Variants in LPP observed in about 807,000 individuals in gnomAD.
The protein encoded by LPP is LIM domain containing preferred translocation partner in lipoma.
Under a neutral mutation model 60.4 loss-of-function variants are expected in LPP, and 38 were observed. The ratio of observed to expected loss-of-function variants is 0.63; its 90% confidence interval spans 0.49 to 0.83. LPP has a LOEUF of 0.83. Ranked by LOEUF, LPP falls within the 40% of genes least tolerant of loss-of-function variation. The pLI is 0.00. For synonymous variants in LPP, 328 were observed against 290.8 expected (o/e 1.13, Z -1.30); for missense variants, 902 against 783.6 (o/e 1.15, Z -1.80).
At chr3:188,858,785 T>C (rs1325986847) in intron 9 of LPP, among the ~76,000 whole-genome samples, 1 of 152,112 alleles carries the variant, frequency 6.6e-6, no homozygotes, top group Non-Finnish European at 1.5e-5. Context: ...GTTTTGTCTG[T>C]GCTAGTTAAA....
intron 9 of LPP, among the ~76,000 whole-genome samples, chr3:188,764,323 A>G (rs558149312): frequency 9.2e-5 from 14 of 152,310 alleles, no homozygotes; most frequent in African/African-American, 3.4e-4. Flanking sequence ...GTCTTCACAG[A>G]TAAGGAATAA....
At chr3:188,602,069 A>AATATATAT (rs10534152) in intron 6 of LPP, among the ~76,000 whole-genome samples, 96 of 128,822 alleles carry the variant, frequency 7.5e-4, no homozygotes, top group South Asian at 3.2e-3. Flanking sequence ...CTCTATCTCA[A>AATATATAT]ATATATATAT....
intron 6 of LPP, among the ~76,000 whole-genome samples, chr3:188,543,584 C>G (rs141925894): frequency 3.9e-4 from 60 of 152,254 alleles, no homozygotes; most frequent in African/African-American, 1.3e-3. Context: ...TAGTTTATAT[C>G]TGGTTGTTGG....
chr3:188,277,812 T>G (rs2149872842), intron 2 of LPP, among the ~76,000 whole-genome samples: 1 of 152,330 alleles, frequency 6.6e-6, no homozygotes, highest in Non-Finnish European at 1.5e-5. Context: ...GACCACACGG[T>G]TGATCATGCT....
chr3:188,200,639 G>T (rs1730830713), intron 1 of LPP, among the ~76,000 whole-genome samples: 1 of 152,140 alleles, frequency 6.6e-6, no homozygotes, highest in Non-Finnish European at 1.5e-5. Context: ...GTAGCAGGAA[G>T]ATTCAGCTTC....
rs1388317207 is a variant in LPP at position 188,804,277 on chromosome 3, A to ATATATATATATATG, written c.1410+44001_1410+44002insTATATATGTATATA. 6.1e-4 allele frequency among the ~76,000 whole-genome samples: 77 copies of ATATATATATATATG among 126,132 alleles called. 2 individuals carry two copies. Among genetic ancestry groups the ATATATATATATATG allele is most frequent in the Admixed American group, 4.7e-3 (54 of 11,434 alleles). The allele number at this position is 126,132 out of a possible 152,430, so 82.7% of individuals were successfully genotyped here. On this transcript the variant is annotated intron_variant, in intron 9 of 11. Transcript: ENST00000617246. The stretch of plus-strand genomic sequence containing the variant: ...TATATATATATATATATATATATAT[A>ATATATATATATATG]TATATAAAATGGAATACAATTCAGC...
chr3:188,506,873 C>A (rs1448491313), intron 5 of LPP, among the ~76,000 whole-genome samples: 1 of 152,138 alleles, frequency 6.6e-6, no homozygotes, highest in Non-Finnish European at 1.5e-5. Context: ...TCTCGGCTCA[C>A]TGCAAGCTCC....
intron 2 of LPP, among the ~76,000 whole-genome samples, chr3:188,314,777 G>A (rs1032574299): frequency 1.3e-5 from 2 of 152,044 alleles, no homozygotes; most frequent in Non-Finnish European, 2.9e-5. Context: ...GTGAGATTGC[G>A]CCCCTGACTC....
At position 188,885,873 on chromosome 3, in the gene LPP, A is replaced by G. The variant is rs903773150; in HGVS notation, c.*11394A>G. ...GTATCTCATAGTGGTTTTGATTTGC[A>G]TTTCTCTGATGGCCAGTGATGGTGA... On this transcript the variant is annotated 3_prime_UTR_variant, in exon 12 of 12. Coordinates refer to ENST00000617246, the MANE Select transcript of LPP (RefSeq NM_001375462.1). The G allele has an allele frequency of 6.6e-6, 1 of 152,086 alleles. No individual in the cohort carries two copies. Among genetic ancestry groups the G allele is most frequent in the Non-Finnish European group, 1.5e-5 (1 of 68,022 alleles). The allele number at this position is 152,086 out of a possible 1,614,324, so 9.4% of individuals were successfully genotyped here. A position where few individuals can be genotyped will look rare whatever the true frequency, so the allele number is the denominator to read the frequency against.
In LPP at chr3:188,300,622, A is replaced by G. The variant is rs144462590; in HGVS notation, c.-66-41041A>G. Among the ~76,000 whole-genome samples the G allele has an allele frequency of 2.4e-3, 369 of 152,340 alleles. 1 individual carries two copies. The highest frequency in any genetic ancestry group is 8.4e-3 in the African/African-American group (348 of 41,578). Reference sequence around the variant, plus strand: ...TTAATTTGTAGAAAATTCTGACTACAGCAAAACATATTAGCCCAAGTTCTC... The same window carrying G: ...TTAATTTGTAGAAAATTCTGACTACGGCAAAACATATTAGCCCAAGTTCTC... On this transcript the variant is annotated intron_variant, in intron 2 of 11. Transcript: ENST00000617246.
At chr3:188,544,674 A>G (rs1345862070) in intron 6 of LPP, among the ~76,000 whole-genome samples, 7 of 103,618 alleles carry the variant, frequency 6.8e-5, no homozygotes, top group African/African-American at 2.7e-4. Context: ...AACTAGTTCA[A>G]CCATTGTGGA....
At chr3:188,649,118 A>G (rs1166257453) in intron 7 of LPP, among the ~76,000 whole-genome samples, 1 of 152,208 alleles carries the variant, frequency 6.6e-6, no homozygotes, top group East Asian at 1.9e-4. Flanking sequence ...GATATTCCAT[A>G]TTTTAAGTAA....
chr3:188,800,138 T>C (rs1746587944), intron 9 of LPP, among the ~76,000 whole-genome samples: 1 of 150,972 alleles, frequency 6.6e-6, no homozygotes, highest in East Asian at 1.9e-4. Context: ...GTAACTCCCT[T>C]AGTCATTTCT....
rs540341604 is a variant in LPP at position 188,387,651 on chromosome 3, C to T, written c.-9-18461C>T. ...GCATGATCTCAGCTCACTGCAACCT[C>T]CGCCTCCTGGGTTCAAGCAATTTTC... On this transcript the variant is annotated intron_variant, in intron 3 of 11. Coordinates refer to ENST00000617246, the MANE Select transcript of LPP (RefSeq NM_001375462.1). Among the ~76,000 whole-genome samples, 44 of 151,732 alleles carry T rather than the reference C, an allele frequency of 2.9e-4. No individual in the cohort carries two copies. In the South Asian group the frequency reaches 8.5e-3, roughly 29 times the overall value.
chr3:188,256,260 A>G (rs1303873928), intron 2 of LPP, among the ~76,000 whole-genome samples: 1 of 152,128 alleles, frequency 6.6e-6, no homozygotes, highest in Non-Finnish European at 1.5e-5. Flanking sequence ...GATTAATTAA[A>G]CCTTAGTTAA....
intron 1 of LPP, among the ~76,000 whole-genome samples, chr3:188,205,864 G>A (rs1733059072): frequency 6.6e-6 from 1 of 152,194 alleles, no homozygotes; most frequent in African/African-American, 2.4e-5. Context: ...GGGAAGTGGA[G>A]GAAGGAAGGG....
At chr3:188,509,655 TTC>T (rs1560497221) in intron 5 of LPP, among the ~76,000 whole-genome samples, 16 of 33,932 alleles carry the variant, frequency 4.7e-4, no homozygotes, top group East Asian at 2.0e-3. Flanking sequence ...CCTTCCTTCC[TTC>T]CTTCCTTCCT....
chr3:188,847,487 G>GT (rs1360885675), intron 9 of LPP, among the ~76,000 whole-genome samples: 6 of 152,224 alleles, frequency 3.9e-5, no homozygotes, highest in African/African-American at 1.4e-4. Context: ...TTGGGAAGAT[G>GT]ACAGTGTATT....
At chr3:188,753,853 C>G (rs926218443) in intron 8 of LPP, among the ~76,000 whole-genome samples, 2 of 151,946 alleles carry the variant, frequency 1.3e-5, no homozygotes, top group Admixed American at 1.3e-4. Flanking sequence ...ACCTTTCCCC[C>G]ACTAGCCACG....
Sources: gnomAD v4.1 joint callset for allele counts (sites outside exome capture counted in the v4.1 genomes callset) on GRCh38, gnomAD v4.1.1 for gene constraint, MANE v1.5 for transcripts, NCBI Gene and HGNC (gene_info 2026-07-23, HGNC 2026-07-21) for gene names.